Variants in COL4A2 observed in about 807,000 individuals in gnomAD.
COL4A2 encodes the protein collagen type IV alpha 2 chain, also known as collagen alpha-2(IV) chain.
Under a neutral mutation model 200.2 loss-of-function variants are expected in COL4A2, and 99 were observed. The observed-to-expected ratio is 0.49, with a 90% confidence interval of 0.42 to 0.58. The LOEUF (loss-of-function observed/expected upper bound fraction) is 0.58, where lower values mean the gene tolerates loss of function less well. Among genes scored for constraint, COL4A2 ranks in the 20% least tolerant of loss-of-function variants. The pLI is 0.00. For missense variants in COL4A2, 1,950 were observed against 2,314.1 expected, an observed-to-expected ratio of 0.84 and a Z score of 3.23; for synonymous variants, 897 against 900.6, an observed-to-expected ratio of 1.00 and a Z score of 0.07.
rs76189936 is a variant in COL4A2 at position 110,436,871 on chromosome 13, A to T, written c.825+504A>T. ...GTCTGAAATAGGAATTGCCGCGTCCACTCTCTCTACGTTTGGAGGCTGCTG... is the reference window on the plus strand; with the variant it reads ...GTCTGAAATAGGAATTGCCGCGTCCTCTCTCTCTACGTTTGGAGGCTGCTG... On this transcript the variant is annotated intron_variant, in intron 13 of 47. Coordinates refer to ENST00000360467, the MANE Select transcript of COL4A2 (RefSeq NM_001846.4). Among the ~76,000 whole-genome samples, 522 of 151,018 alleles carry T rather than the reference A, an allele frequency of 3.5e-3. 1 individual carries two copies. Among genetic ancestry groups the T allele is most frequent in the African/African-American group, 0.012 (499 of 40,756 alleles).
chr13:110,352,361 C>A (rs1393194997), intron 3 of COL4A2, among the ~76,000 whole-genome samples: 1 of 152,224 alleles, frequency 6.6e-6, no homozygotes, highest in East Asian at 1.9e-4. Context: ...TGCTCTCTAA[C>A]CATCCTCTTC....
At position 110,466,103 on chromosome 13, in the gene COL4A2, C is replaced by T. The variant is rs41275112; in HGVS notation, c.2038+41C>T. 32,602 of 1,594,818 alleles carry T rather than the reference C, an allele frequency of 0.02. 413 individuals carry two copies. The highest frequency in any genetic ancestry group is 0.024 in the Non-Finnish European group (28,252 of 1,166,902). ...CAGGTGGCTTTAGGACACTAGAGAA[C>T]TCTCATTTGGTCTGCTGGTTAAGCT... On this transcript the variant is annotated intron_variant, in intron 26 of 47. Coordinates refer to ENST00000360467, the MANE Select transcript of COL4A2 (RefSeq NM_001846.4).
Position 110,485,173 on chromosome 13 carries a change from A to G in COL4A2, c.3025+146A>G, listed in dbSNP as rs559295597. The G allele has an allele frequency of 1.5e-5, 10 of 680,334 alleles. No individual in the cohort carries two copies. The East Asian group carries it at 1.7e-4, about 11-fold the overall frequency. 42.1% of individuals were successfully genotyped at this position (680,334 alleles called of 1,614,324 possible). On this transcript the variant is annotated intron_variant, in intron 33 of 47. Coordinates refer to ENST00000360467, the MANE Select transcript of COL4A2 (RefSeq NM_001846.4). ...TCATCTCTGGGCGCCCTGTGTGTCC[A>G]TAGCTGGCGCAGGGTTGTTCTCTGA... is the stretch of plus-strand genomic sequence containing the variant.
At chr13:110,355,287 T>G (rs73625349) in intron 3 of COL4A2, among the ~76,000 whole-genome samples, 2,215 of 116,902 alleles carry the variant, frequency 0.019, 559 homozygotes, top group African/African-American at 0.17. Context: ...GCTCACCTGT[T>G]TGTGTGGGGA....
At chr13:110,365,503 A>G (rs189796417) in intron 4 of COL4A2, among the ~76,000 whole-genome samples, 97 of 152,320 alleles carry the variant, frequency 6.4e-4, no homozygotes, top group Middle Eastern at 3.4e-3. Context: ...ATGAACCTCG[A>G]GACTTTGTCA....
intron 39 of COL4A2, among the ~76,000 whole-genome samples, chr13:110,494,430 T>G (rs2139540292): frequency 6.6e-6 from 1 of 152,350 alleles, no homozygotes; most frequent in East Asian, 1.9e-4. Context: ...TGAAATCTAT[T>G]ATAGGACTAA....
intron 16 of COL4A2, 143 bp downstream of exon 16, chr13:110,439,976 G>A: frequency 7.7e-7 from 1 of 1,297,406 alleles, no homozygotes; most frequent in Non-Finnish European, 1.0e-6. Context: ...CAGTCACAAA[G>A]ATAATCCTGC....
At position 110,465,400 on chromosome 13, in the gene COL4A2, C is replaced by G. The variant is rs1395786058; in HGVS notation, c.1777-5C>G. The G allele has an allele frequency of 1.3e-6, 2 of 1,582,398 alleles. No homozygotes were observed. The highest frequency in any genetic ancestry group is 2.2e-5 in the East Asian group (1 of 44,752). The stretch of plus-strand genomic sequence containing the variant: ...TTTTAAGAAATAAACTGAATTTTCA[C>G]ACAGGGTGATGGCATCAAGGGCCCT... On this transcript the variant is annotated splice_polypyrimidine_tract_variant and splice_region_variant and intron_variant, in intron 24 of 47. Coordinates refer to ENST00000360467, the MANE Select transcript of COL4A2 (RefSeq NM_001846.4).
intron 3 of COL4A2, among the ~76,000 whole-genome samples, chr13:110,352,712 G>A (rs572857681): frequency 5.9e-4 from 90 of 152,054 alleles, no homozygotes; most frequent in African/African-American, 2.1e-3. Context: ...CGAGTTCCCT[G>A]GGTGGGGAGG....
chr13:110,312,406 C>T (rs916732817), intron 3 of COL4A2, among the ~76,000 whole-genome samples: 1 of 152,000 alleles, frequency 6.6e-6, no homozygotes, highest in African/African-American at 2.4e-5. Flanking sequence ...AAAGATTTTG[C>T]TAAAATAATA....
Position 110,492,476 on chromosome 13 carries a change from G to A in COL4A2, c.3562+299G>A, listed in dbSNP as rs1370541414. Among the ~76,000 whole-genome samples the A allele has an allele frequency of 3.3e-5, 5 of 152,184 alleles. No homozygotes were observed. In the South Asian group the frequency reaches 6.2e-4, roughly 19 times the overall value. On this transcript the variant is annotated intron_variant, in intron 38 of 47. Coordinates refer to ENST00000360467, the MANE Select transcript of COL4A2 (RefSeq NM_001846.4). ...CCACTTGTCATCGCCACACAGGGACGCACAGCAAGATCAGGGTGCAGGAGC... is the reference window on the plus strand; with the variant it reads ...CCACTTGTCATCGCCACACAGGGACACACAGCAAGATCAGGGTGCAGGAGC...
intron 3 of COL4A2, among the ~76,000 whole-genome samples, chr13:110,351,714 A>G (rs1030708684): frequency 6.6e-6 from 1 of 152,206 alleles, no homozygotes; most frequent in Non-Finnish European, 1.5e-5. Flanking sequence ...GAAGGAGCAG[A>G]TAAGTCCAAT....
In COL4A2 at chr13:110,462,335, G is replaced by A. The variant is rs1085307799; in HGVS notation, c.1727G>A (p.Ser576Asn). The A allele has an allele frequency of 6.2e-7, 1 of 1,614,080 alleles. No homozygotes were observed. The highest frequency in any genetic ancestry group is 1.1e-5 in the South Asian group (1 of 91,080). The part of the protein sequence containing the change: ...GVPGMKGDDG[S>N]PGRDGLDGFP... ...CCCGGGATGAAAGGTGACGATGGCAGCCCAGGCCGCGATGGGCTCGATGGA... is the reference window on the plus strand; with the variant it reads ...CCCGGGATGAAAGGTGACGATGGCAACCCAGGCCGCGATGGGCTCGATGGA... The change falls in exon 24 of 48, where the codon AGC becomes AAC. Residue 576 changes from serine (S) to asparagine (N), a missense_variant. By Grantham distance (46) the Ser-to-Asn change is conservative (BLOSUM62 1). This residue lies in a region of COL4A2 where 1,385 missense variants were observed against 1,720.5 expected (regional missense o/e 0.80). Coordinates refer to ENST00000360467, the MANE Select transcript of COL4A2 (RefSeq NM_001846.4).
chr13:110,486,187 C>G (rs1318417161), intron 34 of COL4A2, among the ~76,000 whole-genome samples: 1 of 152,182 alleles, frequency 6.6e-6, no homozygotes, highest in Admixed American at 6.5e-5. Flanking sequence ...AGCCCATGGC[C>G]GAATCACAGC....
At chr13:110,493,320 G>A in intron 39 of COL4A2, 38 bp downstream of exon 39, 2 of 1,605,072 alleles carry the variant, frequency 1.2e-6, no homozygotes, top group Non-Finnish European at 1.7e-6. Context: ...CCCACGCAGA[G>A]GTGTCGAGGG....
chr13:110,439,895 A>G, intron 16 of COL4A2, 62 bp downstream of exon 16: 3 of 1,572,574 alleles, frequency 1.9e-6, no homozygotes, highest in Middle Eastern at 1.7e-4. Flanking sequence ...GAGGTTAAAT[A>G]AATAGGCCTT....
chr13:110,472,992 G>T lies in COL4A2; in HGVS notation c.2267G>T (p.Gly756Val). ...VGLPGPDGSP[G>V]PIGLPGPDGP... ...CTCCCTGGCCCAGATGGATCCCCAG[G>T]TCCCATCGGCCTGCCAGGGCCAGAT... The change falls in exon 29 of 48, where the codon GGT becomes GTT. Residue 756 changes from glycine (G) to valine (V), a missense_variant. This residue lies in a region of COL4A2 where 1,385 missense variants were observed against 1,720.5 expected (regional missense o/e 0.80). Transcript: ENST00000360467. The T allele has an allele frequency of 6.5e-7, 1 of 1,537,646 alleles. No individual in the cohort carries two copies. Among genetic ancestry groups the T allele is most frequent in the Non-Finnish European group, 8.7e-7 (1 of 1,143,128 alleles).
At chr13:110,424,917 C>G in intron 5 of COL4A2, 36 bp from the exon 6 acceptor site, 1 of 1,614,212 alleles carries the variant, frequency 6.2e-7, no homozygotes, top group Non-Finnish European at 8.5e-7. Context: ...TGGCGGGTAT[C>G]TCAGCCTTGG....
chr13:110,416,868 G>A lies in COL4A2; in HGVS notation c.181-7866G>A, dbSNP rs144396594. On this transcript the variant is annotated intron_variant, in intron 4 of 47. Transcript: ENST00000360467. ...CCCACTTTCAGTTCTGCTGCCCTGT[G>A]GGCTGTGTCCCAGACAGTTTTCGAA... 1.5e-3 allele frequency among the ~76,000 whole-genome samples: 229 copies of A among 152,326 alleles called. 1 individual carries two copies. The highest frequency in any genetic ancestry group is 5.1e-3 in the African/African-American group (212 of 41,556).
Sources: allele counts gnomAD v4.1 joint callset (sites outside exome capture counted in the v4.1 genomes callset), GRCh38; gene constraint gnomAD v4.1.1; regional missense constraint gnomAD v4.1.1; transcripts MANE v1.5; gene names NCBI Gene and HGNC (gene_info 2026-07-23, HGNC 2026-07-21).